The following HDAC10 variants were observed in gnomAD, a reference collection of about 807,000 sequenced individuals.
The protein encoded by HDAC10 is polyamine deacetylase HDAC10.
HDAC10 carries 90 observed loss-of-function variants against 82.3 expected under a neutral mutation model. The observed-to-expected ratio is 1.09, with a 90% CI of 0.92 to 1.30. The LOEUF is 1.30. Among genes scored for constraint, HDAC10 ranks in the 50% most tolerant of loss-of-function variants. The pLI is 0.00. For synonymous variants in HDAC10, 456 were observed against 391.7 expected (o/e 1.16, Z -1.94); for missense variants, 934 against 876.3 (o/e 1.07, Z -0.83).
chr22:50,249,319 G>T lies in HDAC10; in HGVS notation c.690+9C>A. 6.3e-7 allele frequency: 1 copy of T among 1,597,050 alleles called. No individual in the cohort carries two copies. Among genetic ancestry groups the T allele is most frequent in the Non-Finnish European group, 8.5e-7 (1 of 1,172,218 alleles). ...GCTGGGTGGGGACCTGGGGCTTGAG[G>T]GTGGGCACCTGGTTCCAGGGCAGGT... On this transcript the variant is annotated intron_variant, in intron 7 of 19. Transcript: ENST00000216271. This position sits in a 1 kb window ranked among gnomAD's most constrained non-coding sequence, Gnocchi z 4.4.
chr22:50,250,697 T>C, intron 2 of HDAC10, 74 bp downstream of exon 2: 1 of 1,444,332 alleles, frequency 6.9e-7, no homozygotes, highest in Admixed American at 2.2e-5. Context: ...AGGCTCGGGG[T>C]AGGCCCAGGT....
intron 19 of HDAC10, 21 bp downstream of exon 19, chr22:50,245,654 T>A (rs746439235): frequency 6.2e-7 from 1 of 1,612,598 alleles, no homozygotes; most frequent in South Asian, 1.1e-5. Context: ...GGCAGGGCCA[T>A]GCCTCCGCAG....
rs768913535 is a variant in HDAC10, at chr22:50,248,185, C to G, written c.1081+40G>C. 6 of 1,600,458 alleles carry G rather than the reference C, an allele frequency of 3.7e-6. No homozygotes were observed. The highest frequency in any genetic ancestry group is 2.2e-5 in the South Asian group (2 of 88,924). On this transcript the variant is annotated intron_variant, in intron 12 of 19. Coordinates refer to ENST00000216271, the MANE Select transcript of HDAC10 (RefSeq NM_032019.6). This position sits in a 1 kb window ranked among gnomAD's most constrained non-coding sequence, Gnocchi z 5.4. The stretch of plus-strand genomic sequence containing the variant: ...GAGTCATAGCCACTGCACAGGAGCC[C>G]GAGGTGGGATCCTGCAGCCTAGCAC...
chr22:50,248,716 G>C lies in HDAC10; in HGVS notation c.852C>G (p.His284Gln). 1 of 1,563,568 alleles carries C rather than the reference G, an allele frequency of 6.4e-7. No homozygotes were observed. The highest frequency in any genetic ancestry group is 8.7e-7 in the Non-Finnish European group (1 of 1,153,132). The change falls in exon 10 of 20, where the codon CAC becomes CAG. Residue 284 changes from histidine to glutamine, a missense_variant. Physicochemically the swap from His to Gln is conservative, Grantham distance 24. Coordinates refer to ENST00000216271, the MANE Select transcript of HDAC10 (RefSeq NM_032019.6). The surrounding 1 kb of genome is among the most constrained non-coding windows in gnomAD (Gnocchi z 5.4). ...CCAGCACCTGCAGCAGCTGTGTGAGGTGGGCGAAGCACTCTGGCGTGGCCT... is the reference window on the plus strand; with the variant it reads ...CCAGCACCTGCAGCAGCTGTGTGAGCTGGGCGAAGCACTCTGGCGTGGCCT... ...QMQATPECFAHLTQLLQVLAG... is the reference protein window; with the variant it reads ...QMQATPECFAQLTQLLQVLAG...
Position 50,248,362 on chromosome 22 carries a change from G to A in HDAC10, c.1013+4C>T, listed in dbSNP as rs1309984647. 1.4e-5 allele frequency: 22 copies of A among 1,610,762 alleles called. No homozygotes were observed. The highest frequency in any genetic ancestry group is 2.2e-5 in the East Asian group (1 of 44,878). ...GGCCCTGCCCGCCCTACCTCCCCTC[G>A]CACCTCTGACATGGCGCCATTGGCC... On this transcript the variant is annotated splice_donor_region_variant and intron_variant, in intron 11 of 19. Coordinates refer to ENST00000216271, the MANE Select transcript of HDAC10 (RefSeq NM_032019.6). This position sits in a 1 kb window ranked among gnomAD's most constrained non-coding sequence, Gnocchi z 5.4.
intron 14 of HDAC10, 163 bp from the exon 15 acceptor site, chr22:50,247,129 C>G (rs571869156): frequency 1.3e-5 from 6 of 479,394 alleles, no homozygotes; most frequent in South Asian, 1.1e-4. Flanking sequence ...AAGATGCTTA[C>G]GTCTATAATT....
Position 50,250,121 on chromosome 22 carries a change from G to A in HDAC10, c.331C>T (p.Leu111=), listed in dbSNP as rs200742004. Residue 111 remains leucine (L), a synonymous_variant, in exon 4 of 20, where the codon CTG becomes TTG. Coordinates refer to ENST00000216271, the MANE Select transcript of HDAC10 (RefSeq NM_032019.6). The part of the protein sequence containing the change: ...HCARLAAGAG[L]QLVDAVLTGA... ...GTGAGCACAGCGTCCACCAGCTGCA[G>A]TCCAGCCCCTGCGGCCAGCCGCGCG... 117 of 1,612,704 alleles carry A rather than the reference G, an allele frequency of 7.3e-5. No homozygotes were observed. The highest frequency in any genetic ancestry group is 2.2e-4 in the Admixed American group (13 of 60,020).
Position 50,248,365 on chromosome 22 carries a change from C to T in HDAC10, c.1013+1G>A. On this transcript the variant is annotated splice_donor_variant, in intron 11 of 19. Coordinates refer to ENST00000216271, the MANE Select transcript of HDAC10 (RefSeq NM_032019.6). LOFTEE classifies it high-confidence loss of function. This position sits in a 1 kb window ranked among gnomAD's most constrained non-coding sequence, Gnocchi z 5.4. ...CCTGCCCGCCCTACCTCCCCTCGCACCTCTGACATGGCGCCATTGGCCCTG... is the reference window on the plus strand; with the variant it reads ...CCTGCCCGCCCTACCTCCCCTCGCATCTCTGACATGGCGCCATTGGCCCTG... 1 of 1,611,002 alleles carries T rather than the reference C, an allele frequency of 6.2e-7. No individual in the cohort carries two copies.
In HDAC10 at chr22:50,248,585, G is replaced by A. The variant is rs977188911; in HGVS notation, c.906+77C>T. ...GCAGGACGCCCCTCCCAAATACCCC[G>A]TGGGCACCTGGCTCCCATGCTCCTG... On this transcript the variant is annotated intron_variant, in intron 10 of 19. Coordinates refer to ENST00000216271, the MANE Select transcript of HDAC10 (RefSeq NM_032019.6). This position sits in a 1 kb window ranked among gnomAD's most constrained non-coding sequence, Gnocchi z 5.4. 34 of 1,468,008 alleles carry A rather than the reference G, an allele frequency of 2.3e-5. No homozygotes were observed. Among genetic ancestry groups the A allele is most frequent in the South Asian group, 1.1e-4 (8 of 75,498 alleles). The allele number at this position is 1,468,008 out of a possible 1,614,324, so 90.9% of individuals were successfully genotyped here. A position where few individuals can be genotyped will look rare whatever the true frequency, so the allele number is the denominator to read the frequency against.
chr22:50,248,530 C>A lies in HDAC10; in HGVS notation c.907-58G>T. 6.5e-7 allele frequency: 1 copy of A among 1,536,038 alleles called. No individual in the cohort carries two copies. The highest frequency in any genetic ancestry group is 2.4e-5 in the East Asian group (1 of 41,994). ...AGATATCACTGGGATGGGATGTCAC[C>A]GGGAGAGCCCCTGCCTGGCTCTATC... On this transcript the variant is annotated intron_variant, in intron 10 of 19. Transcript: ENST00000216271. The surrounding 1 kb of genome is among the most constrained non-coding windows in gnomAD (Gnocchi z 5.4).
rs778227637 is a variant in HDAC10 at position 50,248,166 on chromosome 22, T to A, written c.1082-21A>T. ...CACATCTAGGGACAGTTCGGAGTCA[T>A]AGCCACTGCACAGGAGCCCGAGGTG... is the stretch of plus-strand genomic sequence containing the variant. On this transcript the variant is annotated intron_variant, in intron 12 of 19. Coordinates refer to ENST00000216271, the MANE Select transcript of HDAC10 (RefSeq NM_032019.6). This position sits in a 1 kb window ranked among gnomAD's most constrained non-coding sequence, Gnocchi z 5.4. 6.3e-7 allele frequency: 1 copy of A among 1,593,786 alleles called. No individual in the cohort carries two copies. The highest frequency in any genetic ancestry group is 8.5e-7 in the Non-Finnish European group (1 of 1,170,206).
chr22:50,250,982 G>A lies in HDAC10; in HGVS notation c.51C>T (p.Leu17=), dbSNP rs527323681. The change falls in exon 1 of 20, where the codon CTC becomes CTT. Residue 17 remains leucine, a synonymous_variant. Transcript: ENST00000216271. The part of the protein sequence containing the change: ...YHEDMTATRL[L]WDDPECEIER... ...GGCCAGGTCCCACTTACTCGTCCCA[G>A]AGCAGCCGGGTGGCCGTCATGTCCT... 3.1e-6 allele frequency: 5 copies of A among 1,612,570 alleles called. No homozygotes were observed. The African/African-American group carries it at 5.3e-5, about 17-fold the overall frequency.
chr22:50,247,748 C>A lies in HDAC10; in HGVS notation c.1366G>T (p.Ala456Ser), dbSNP rs772777381. The change falls in exon 14 of 20, where the codon GCC becomes TCC. Residue 456 changes from alanine to serine, a missense_variant. Ala to Ser is a moderately conservative substitution (Grantham distance 99). Transcript: ENST00000216271. ...AGGAGCTTCCCAAGTGCAGTGAGGGCCTCCTCCCGGGCCAGGGACTCGTGT... is the reference window on the plus strand; with the variant it reads ...AGGAGCTTCCCAAGTGCAGTGAGGGACTCCTCCCGGGCCAGGGACTCGTGT... ...RPHESLAREE[A>S]LTALGKLLYL... 4.4e-6 allele frequency: 7 copies of A among 1,605,388 alleles called. No individual in the cohort carries two copies. The East Asian group carries it at 1.6e-4, about 36-fold the overall frequency.
Position 50,245,902 on chromosome 22 carries a change from C to A in HDAC10, c.1833+8G>T. 1.9e-6 allele frequency: 3 copies of A among 1,567,114 alleles called. No individual in the cohort carries two copies. The highest frequency in any genetic ancestry group is 2.6e-6 in the Non-Finnish European group (3 of 1,156,134). On this transcript the variant is annotated splice_region_variant and intron_variant, in intron 18 of 19. Coordinates refer to ENST00000216271, the MANE Select transcript of HDAC10 (RefSeq NM_032019.6). ...CACCCCGCAGCACCTCCACCCTGCCCAGCTTACCTCCTCCAGGAGGGCCAG... is the reference window on the plus strand; with the variant it reads ...CACCCCGCAGCACCTCCACCCTGCCAAGCTTACCTCCTCCAGGAGGGCCAG...
rs762253038 is a variant in HDAC10, at chr22:50,249,304, G to A, written c.690+24C>T. On this transcript the variant is annotated intron_variant, in intron 7 of 19. Transcript: ENST00000216271. This position sits in a 1 kb window ranked among gnomAD's most constrained non-coding sequence, Gnocchi z 4.4. The stretch of plus-strand genomic sequence containing the variant: ...GCCCAGGGGGAGGGGGCTGGGTGGG[G>A]ACCTGGGGCTTGAGGGTGGGCACCT... 3.3e-6 allele frequency: 5 copies of A among 1,507,660 alleles called. No homozygotes were observed. In the Admixed American group the frequency reaches 9.3e-5, roughly 28 times the overall value. The allele number at this position is 1,507,660 out of a possible 1,614,324, so 93.4% of individuals were successfully genotyped here.
chr22:50,248,228 G>T lies in HDAC10; in HGVS notation c.1078C>A (p.Gln360Lys). ...CCTAGCACCCGGCCACACTGACCTT[G>T]CTGCTGGAGGCTCTTCCAGTGCGGG... ...QAPHWKSLQQ[Q>K]DVTAVPMSPS... Residue 360 changes from glutamine to lysine, a missense_variant, in exon 12 of 20, where the codon CAA becomes AAA. Gln to Lys is a moderately conservative substitution (Grantham distance 53). Coordinates refer to ENST00000216271, the MANE Select transcript of HDAC10 (RefSeq NM_032019.6). This position sits in a 1 kb window ranked among gnomAD's most constrained non-coding sequence, Gnocchi z 5.4. 6.2e-7 allele frequency: 1 copy of T among 1,611,926 alleles called. No individual in the cohort carries two copies. The highest frequency in any genetic ancestry group is 8.5e-7 in the Non-Finnish European group (1 of 1,179,746).
intron 16 of HDAC10, 69 bp downstream of exon 16, chr22:50,246,610 C>T: frequency 6.8e-7 from 1 of 1,480,200 alleles, no homozygotes; most frequent in Non-Finnish European, 9.4e-7. Context: ...ACCCTGGGGC[C>T]CAGGCACACG....
Position 50,248,363 on chromosome 22 carries a change from C to T in HDAC10, c.1013+3G>A. ...GCCCTGCCCGCCCTACCTCCCCTCG[C>T]ACCTCTGACATGGCGCCATTGGCCC... On this transcript the variant is annotated splice_donor_region_variant and intron_variant, in intron 11 of 19. Coordinates refer to ENST00000216271, the MANE Select transcript of HDAC10 (RefSeq NM_032019.6). The surrounding 1 kb of genome is among the most constrained non-coding windows in gnomAD (Gnocchi z 5.4). 2 of 1,610,980 alleles carry T rather than the reference C, an allele frequency of 1.2e-6. No individual in the cohort carries two copies. The highest frequency in any genetic ancestry group is 3.3e-4 in the Middle Eastern group (2 of 6,056).
At chr22:50,250,218 A>T in intron 3 of HDAC10, 58 bp from the exon 4 acceptor site, 2 of 1,492,022 alleles carry the variant, frequency 1.3e-6, no homozygotes, top group Non-Finnish European at 1.8e-6. Flanking sequence ...TTTGCAGGCC[A>T]TACCCACACT....
Sources: gnomAD v4.1 joint callset for allele counts on GRCh38, gnomAD v4.1.1 for gene constraint, Gnocchi (gnomAD v3.1) non-coding constraint, MANE v1.5 for transcripts, NCBI Gene and HGNC (gene_info 2026-07-23, HGNC 2026-07-21) for gene names.